Variants in MCPH1 observed in about 807,000 individuals in gnomAD.
MCPH1 encodes the protein microcephalin.
MCPH1 carries 104 observed loss-of-function variants against 84.5 expected under a neutral mutation model. That is an observed-to-expected ratio of 1.23 (90% CI 1.05 to 1.45). The LOEUF (loss-of-function observed/expected upper bound fraction) is 1.45. MCPH1 is among the 40% of genes most tolerant of loss of function. The pLI is 0.00. For synonymous variants in MCPH1, 514 were observed against 366.8 expected (o/e 1.40, Z -4.58); for missense variants, 1,498 against 1,005.7 (o/e 1.49, Z -6.62).
rs1452115329 is a variant in MCPH1 at position 6,526,825 on chromosome 8, C to G, written c.2214+26896C>G. On this transcript the variant is annotated intron_variant, in intron 12 of 13. Transcript: ENST00000344683. ...CACCAGGTATGTGCATAAAATTATC[C>G]TCTTTTGTCCCAAGTGGAACAGACA... 3.9e-5 allele frequency among the ~76,000 whole-genome samples: 6 copies of G among 152,272 alleles called. 1 individual carries two copies. The South Asian group carries it at 6.2e-4, about 16-fold the overall frequency.
At chr8:6,555,665 G>C (rs1204852250) in intron 12 of MCPH1, among the ~76,000 whole-genome samples, 1 of 151,998 alleles carries the variant, frequency 6.6e-6, no homozygotes, top group African/African-American at 2.4e-5. Context: ...GTTTCATCGT[G>C]TTGGCCAGGC....
chr8:6,503,280 G>A lies in MCPH1; in HGVS notation c.2214+3351G>A. On this transcript the variant is annotated intron_variant, in intron 12 of 13. Transcript: ENST00000344683. Reference sequence around the variant, plus strand: ...CACCAGCCTGTGAAAGTAAAACACAGAAGGAATTAGGAACTAGGTGATGCC... The same window carrying A: ...CACCAGCCTGTGAAAGTAAAACACAAAAGGAATTAGGAACTAGGTGATGCC... 3 of 1,613,892 alleles carry A rather than the reference G, an allele frequency of 1.9e-6. No homozygotes were observed. The Admixed American group carries it at 5.0e-5, about 27-fold the overall frequency.
At chr8:6,562,890 C>G (rs774784389) in intron 12 of MCPH1, 1 of 1,608,670 alleles carries the variant, frequency 6.2e-7, no homozygotes, top group Non-Finnish European at 8.5e-7. Flanking sequence ...AGGCTGCGGC[C>G]AAGACAAGAT....
At chr8:6,533,168 A>G (rs1014994313) in intron 12 of MCPH1, among the ~76,000 whole-genome samples, 4 of 152,242 alleles carry the variant, frequency 2.6e-5, no homozygotes, top group Non-Finnish European at 5.9e-5. Context: ...TGGTCCATTT[A>G]TCACCTAACG....
intron 11 of MCPH1, among the ~76,000 whole-genome samples, chr8:6,484,110 GA>G (rs1809567740): frequency 6.6e-6 from 1 of 152,148 alleles, no homozygotes; most frequent in Admixed American, 6.5e-5. Context: ...TTTACTCTGT[GA>G]AAGATATTAT....
chr8:6,575,651 C>T (rs1158089256), intron 12 of MCPH1, among the ~76,000 whole-genome samples: 4 of 152,192 alleles, frequency 2.6e-5, no homozygotes, highest in Non-Finnish European at 5.9e-5. Flanking sequence ...GCCCTCAGCA[C>T]GTGACCGTCT....
chr8:6,565,628 A>G (rs1240138724), intron 12 of MCPH1, among the ~76,000 whole-genome samples: 1 of 152,188 alleles, frequency 6.6e-6, no homozygotes, highest in African/African-American at 2.4e-5. Context: ...AGGAACAAAT[A>G]GAAAGAGGGC....
chr8:6,444,939 G>T lies in MCPH1; in HGVS notation c.1217G>T (p.Ser406Ile). The T allele has an allele frequency of 6.2e-7, 1 of 1,614,216 alleles. No individual in the cohort carries two copies. Among genetic ancestry groups the T allele is most frequent in the Non-Finnish European group, 8.5e-7 (1 of 1,180,038 alleles). ...GCGGGACCTGCCCTGGAGGCTCTTAGCTGTGGGGAGTCTTCATATGATGAC... is the reference window on the plus strand; with the variant it reads ...GCGGGACCTGCCCTGGAGGCTCTTATCTGTGGGGAGTCTTCATATGATGAC... ...HVAGPALEAL[S>I]CGESSYDDYF... Residue 406 changes from serine to isoleucine, a missense_variant, in exon 8 of 14, where the codon AGC becomes ATC. Coordinates refer to ENST00000344683, the MANE Select transcript of MCPH1 (RefSeq NM_024596.5).
chr8:6,509,482 T>G (rs370208484), intron 12 of MCPH1, among the ~76,000 whole-genome samples: 24 of 152,130 alleles, frequency 1.6e-4, no homozygotes, highest in East Asian at 1.2e-3. Flanking sequence ...CCGGGGGGGA[T>G]GGAGAATGCA....
At chr8:6,408,048 C>A (rs1330366801) in intron 1 of MCPH1, among the ~76,000 whole-genome samples, 1 of 152,174 alleles carries the variant, frequency 6.6e-6, no homozygotes, top group Non-Finnish European at 1.5e-5. Context: ...GCCACAAAGC[C>A]TGAAATATTT....
At chr8:6,454,932 A>AC (rs759049640) in intron 8 of MCPH1, among the ~76,000 whole-genome samples, 5 of 152,246 alleles carry the variant, frequency 3.3e-5, no homozygotes, top group Non-Finnish European at 7.3e-5. Flanking sequence ...CCTGATTGTT[A>AC]CCGACCATTG....
chr8:6,640,825 G>GCATGTGCTATCCTGCATTT (rs1403793006), intron 13 of MCPH1, among the ~76,000 whole-genome samples: 1 of 152,128 alleles, frequency 6.6e-6, no homozygotes, highest in Non-Finnish European at 1.5e-5. Flanking sequence ...GACCTTTAAT[G>GCATGTGCTATCCTGCATTT]CATGTGCATT....
At chr8:6,416,448 T>G (rs1405314446) in intron 3 of MCPH1, among the ~76,000 whole-genome samples, 1 of 152,248 alleles carries the variant, frequency 6.6e-6, no homozygotes, top group Non-Finnish European at 1.5e-5. Context: ...CTGTGGTTTG[T>G]GTAAATGTCC....
At chr8:6,408,126 G>A (rs1797999985) in intron 1 of MCPH1, among the ~76,000 whole-genome samples, 2 of 152,216 alleles carry the variant, frequency 1.3e-5, no homozygotes, top group African/African-American at 4.8e-5. Context: ...TTTGGGGAAA[G>A]CAACTAATTT....
chr8:6,604,995 C>G (rs1829649035), intron 12 of MCPH1, among the ~76,000 whole-genome samples: 1 of 152,142 alleles, frequency 6.6e-6, no homozygotes, highest in Non-Finnish European at 1.5e-5. Flanking sequence ...GGTGCCATCC[C>G]TTCATTTCAG....
intron 12 of MCPH1, chr8:6,508,846 A>C (rs897770398): frequency 3.2e-6 from 5 of 1,552,336 alleles, no homozygotes; most frequent in Non-Finnish European, 4.4e-6. Context: ...GTTACAAATC[A>C]CAATTTGTAG....
intron 9 of MCPH1, among the ~76,000 whole-genome samples, chr8:6,468,697 G>A (rs1807315323): frequency 6.8e-6 from 1 of 147,758 alleles, no homozygotes; most frequent in Admixed American, 6.8e-5. Flanking sequence ...ATCCAAGACA[G>A]TAAGTATTGA....
At chr8:6,410,208 T>A (rs1798344399) in intron 2 of MCPH1, among the ~76,000 whole-genome samples, 1 of 151,946 alleles carries the variant, frequency 6.6e-6, no homozygotes, top group Non-Finnish European at 1.5e-5. Flanking sequence ...TCTCCTGATC[T>A]CGTGATCCGC....
chr8:6,555,908 C>T lies in MCPH1; in HGVS notation c.2214+55979C>T, dbSNP rs146298847. 3.2e-3 allele frequency among the ~76,000 whole-genome samples: 489 copies of T among 152,286 alleles called. 4 individuals are homozygous for T. Among genetic ancestry groups the T allele is most frequent in the African/African-American group, 0.011 (456 of 41,560 alleles). On this transcript the variant is annotated intron_variant, in intron 12 of 13. Transcript: ENST00000344683. ...TGCTTGTTTTTGCTTGTTTTCCTAG[C>T]AGCTTCAGCACCATCCTCACATAGA...
Sources: gnomAD v4.1 joint callset for allele counts (sites outside exome capture counted in the v4.1 genomes callset) on GRCh38, gnomAD v4.1.1 for gene constraint, MANE v1.5 for transcripts, NCBI Gene and HGNC (gene_info 2026-07-23, HGNC 2026-07-21) for gene names.